Variants in CACNA2D3 observed in about 807,000 individuals in gnomAD.
The protein encoded by CACNA2D3 is calcium voltage-gated channel auxiliary subunit alpha2delta 3, also known as voltage-dependent calcium channel subunit alpha-2/delta-3.
In CACNA2D3, 60 loss-of-function variants were observed where a neutral mutation model predicts 160.6. The ratio of observed to expected loss-of-function variants is 0.37; its 90% CI spans 0.30 to 0.46. The LOEUF is 0.46. Ranked by LOEUF, CACNA2D3 falls within the 20% of genes least tolerant of loss-of-function variation. CACNA2D3 has a pLI of 1.00. For synonymous variants in CACNA2D3, 558 were observed against 492.9 expected (o/e 1.13, Z -1.75); for missense variants, 1,205 against 1,365.0 (o/e 0.88, Z 1.85).
intron 5 of CACNA2D3, among the ~76,000 whole-genome samples, chr3:54,556,119 A>G (rs1430413864): frequency 6.6e-6 from 1 of 152,218 alleles, no homozygotes; most frequent in African/African-American, 2.4e-5. Context: ...TAATTCAGAG[A>G]ACATTGAACA....
intron 11 of CACNA2D3, among the ~76,000 whole-genome samples, chr3:54,720,411 T>C (rs1701147924): frequency 6.6e-6 from 1 of 152,136 alleles, no homozygotes; most frequent in Non-Finnish European, 1.5e-5. Context: ...CCAAATTTTC[T>C]AGTTAAAATT....
chr3:55,055,333 T>C (rs1324966285), intron 35 of CACNA2D3, among the ~76,000 whole-genome samples: 1 of 152,084 alleles, frequency 6.6e-6, no homozygotes, highest in Non-Finnish European at 1.5e-5. Context: ...TCAGTGTGTA[T>C]TCCAGTAAAA....
intron 14 of CACNA2D3, among the ~76,000 whole-genome samples, chr3:54,828,428 G>A (rs1703790349): frequency 6.6e-6 from 1 of 152,152 alleles, no homozygotes; most frequent in Non-Finnish European, 1.5e-5. Context: ...ATATTCTCAT[G>A]ACCATGGCTT....
At chr3:54,158,109 A>G (rs1576966792) in intron 2 of CACNA2D3, among the ~76,000 whole-genome samples, 1 of 152,284 alleles carries the variant, frequency 6.6e-6, no homozygotes, top group South Asian at 2.1e-4. Context: ...CAGTCTGGCT[A>G]CTTAGAGCTT....
chr3:54,609,208 C>T (rs1698697266), intron 9 of CACNA2D3, among the ~76,000 whole-genome samples: 1 of 152,146 alleles, frequency 6.6e-6, no homozygotes, highest in Admixed American at 6.5e-5. Flanking sequence ...GAAAAGGTCA[C>T]TAAAAGACCT....
At chr3:55,008,136 G>A (rs1703136774) in intron 33 of CACNA2D3, among the ~76,000 whole-genome samples, 2 of 152,192 alleles carry the variant, frequency 1.3e-5, no homozygotes, top group Admixed American at 1.3e-4. Flanking sequence ...ATGTCTGGCT[G>A]ATTTTACTGC....
At chr3:54,492,968 T>C (rs566466564) in intron 4 of CACNA2D3, among the ~76,000 whole-genome samples, 1 of 152,274 alleles carries the variant, frequency 6.6e-6, no homozygotes, top group Non-Finnish European at 1.5e-5. Flanking sequence ...TTTTTGTAGT[T>C]TGTTTTATAA....
intron 11 of CACNA2D3, among the ~76,000 whole-genome samples, chr3:54,645,690 T>G (rs574983578): frequency 5.1e-4 from 77 of 152,292 alleles, no homozygotes; most frequent in African/African-American, 1.8e-3. Context: ...GCCCGGAGCC[T>G]TCCCTCTTCT....
In CACNA2D3 at chr3:54,456,421, G is replaced by A. The variant is rs188405617; in HGVS notation, c.382-47071G>A. 1.3e-3 allele frequency among the ~76,000 whole-genome samples: 196 copies of A among 152,038 alleles called. 2 individuals carry two copies. The highest frequency in any genetic ancestry group is 4.6e-3 in the African/African-American group (190 of 41,532). ...TATTAATATATTGATTTTGTATCCT[G>A]CAACTTTACCGAAATTGTTTGTCCG... On this transcript the variant is annotated intron_variant, in intron 4 of 37. Coordinates refer to ENST00000474759, the MANE Select transcript of CACNA2D3 (RefSeq NM_018398.3).
intron 2 of CACNA2D3, among the ~76,000 whole-genome samples, chr3:54,162,631 A>G (rs1026068085): frequency 1.3e-5 from 2 of 152,166 alleles, no homozygotes; most frequent in Non-Finnish European, 2.9e-5. Flanking sequence ...TTTAAAACTA[A>G]CATGTAGAAT....
At chr3:55,016,954 C>T (rs1703338881) in intron 34 of CACNA2D3, among the ~76,000 whole-genome samples, 2 of 152,212 alleles carry the variant, frequency 1.3e-5, no homozygotes, top group Non-Finnish European at 2.9e-5. Context: ...TGCAGTAGCA[C>T]TGATGGCTTG....
chr3:55,002,566 G>C (rs1215738675), intron 31 of CACNA2D3, among the ~76,000 whole-genome samples: 1 of 152,210 alleles, frequency 6.6e-6, no homozygotes, highest in African/African-American at 2.4e-5. Flanking sequence ...TTTGTGCGGG[G>C]ACATCCCCAA....
chr3:54,975,347 C>T (rs768024856), intron 29 of CACNA2D3, among the ~76,000 whole-genome samples: 19 of 151,982 alleles, frequency 1.3e-4, no homozygotes, highest in Non-Finnish European at 2.2e-4. Flanking sequence ...GGTGAAATCC[C>T]GTCTTTACTA....
intron 2 of CACNA2D3, among the ~76,000 whole-genome samples, chr3:54,133,369 C>T (rs748965489): frequency 6.6e-5 from 10 of 152,178 alleles, no homozygotes; most frequent in Non-Finnish European, 4.4e-5. Context: ...CAAAGGCAGA[C>T]TCTGAGTCCG....
chr3:54,872,510 C>G (rs1257661347), intron 18 of CACNA2D3, among the ~76,000 whole-genome samples: 1 of 152,152 alleles, frequency 6.6e-6, no homozygotes, highest in Non-Finnish European at 1.5e-5. Context: ...TCACTGCATC[C>G]TGCTCTCCAA....
At chr3:54,449,300 G>A (rs1172051696) in intron 4 of CACNA2D3, among the ~76,000 whole-genome samples, 3 of 152,220 alleles carry the variant, frequency 2.0e-5, no homozygotes, top group Non-Finnish European at 4.4e-5. Flanking sequence ...TTGAAGAATT[G>A]GCTAAATACA....
At chr3:54,725,378 A>G (rs1701256957) in intron 11 of CACNA2D3, among the ~76,000 whole-genome samples, 1 of 152,182 alleles carries the variant, frequency 6.6e-6, no homozygotes, top group Non-Finnish European at 1.5e-5. Flanking sequence ...ATTCCAATCA[A>G]TAGAAAAAGA....
chr3:54,299,212 T>TAAAA (rs10663745), intron 2 of CACNA2D3, among the ~76,000 whole-genome samples: 1 of 147,078 alleles, frequency 6.8e-6, no homozygotes, highest in Non-Finnish European at 1.5e-5. Flanking sequence ...GTTCCATTAT[T>TAAAA]AAAAAAAAAA....
intron 9 of CACNA2D3, among the ~76,000 whole-genome samples, chr3:54,596,194 G>A (rs142714829): frequency 6.6e-6 from 1 of 151,880 alleles, no homozygotes; most frequent in East Asian, 1.9e-4. Context: ...CTCCCTCCCC[G>A]GTAATCTCCA....
Sources: gnomAD v4.1 joint callset for allele counts (sites outside exome capture counted in the v4.1 genomes callset) on GRCh38, gnomAD v4.1.1 for gene constraint, MANE v1.5 for transcripts, NCBI Gene and HGNC (gene_info 2026-07-23, HGNC 2026-07-21) for gene names.